The following SLC9B2 variants were observed in gnomAD, a reference collection of about 807,000 sequenced individuals.
SLC9B2 encodes solute carrier family 9 member B2.
In SLC9B2, 39 loss-of-function variants were observed where a neutral mutation model predicts 52.2. The observed-to-expected ratio is 0.75, with a 90% CI of 0.58 to 0.98. SLC9B2 has a LOEUF of 0.98. Among genes scored for constraint, SLC9B2 ranks in the 50% least tolerant of loss-of-function variants. SLC9B2 has a pLI of 0.00. For synonymous variants in SLC9B2, 214 were observed against 227.0 expected (o/e 0.94, Z 0.51); for missense variants, 626 against 637.5 (o/e 0.98, Z 0.19).
At position 103,050,226 on chromosome 4, in the gene SLC9B2, T is replaced by C. The variant is rs758092860; in HGVS notation, c.585+14A>G. On this transcript the variant is annotated intron_variant, in intron 5 of 11. Coordinates refer to ENST00000394785, the MANE Select transcript of SLC9B2 (RefSeq NM_178833.7). ...AAGATTCCTATTTAATAATGAGAAATTTACATTTCATACCTTTGAATCCAG... is the reference window on the plus strand; with the variant it reads ...AAGATTCCTATTTAATAATGAGAAACTTACATTTCATACCTTTGAATCCAG... 6.5e-7 allele frequency: 1 copy of C among 1,546,274 alleles called. No individual in the cohort carries two copies. Among genetic ancestry groups the C allele is most frequent in the Admixed American group, 2.2e-5 (1 of 45,992 alleles).
rs934077009 is a variant in SLC9B2, at chr4:103,067,398, G to A, written c.90+63C>T. ...TTGGATTGTGTAAGTTTGGGGATAG[G>A]AGAATTGGTAAATGAGTGGTAGAAT... is the stretch of plus-strand genomic sequence containing the variant. On this transcript the variant is annotated intron_variant, in intron 2 of 11. Coordinates refer to ENST00000394785, the MANE Select transcript of SLC9B2 (RefSeq NM_178833.7). 42 of 1,446,358 alleles carry A rather than the reference G, an allele frequency of 2.9e-5. No individual in the cohort carries two copies. In the African/African-American group the frequency reaches 3.6e-4, roughly 12 times the overall value. 89.6% of individuals were successfully genotyped at this position (1,446,358 alleles called of 1,614,324 possible).
At position 103,057,789 on chromosome 4, in the gene SLC9B2, TTTAGCAC is replaced by T; in HGVS notation, c.442+5_442+11del. 1 of 1,611,788 alleles carries T rather than the reference TTTAGCAC, an allele frequency of 6.2e-7. No homozygotes were observed. The highest frequency in any genetic ancestry group is 8.5e-7 in the Non-Finnish European group (1 of 1,179,320). On this transcript the variant is annotated splice_donor_5th_base_variant and intron_variant, in intron 4 of 11. Coordinates refer to ENST00000394785, the MANE Select transcript of SLC9B2 (RefSeq NM_178833.7). Reference sequence around the variant, plus strand: ...TTTACTCTGGATAGAACAGGAAACATTTAGCACTTACCAAGAAGAGAAGGCAGTGGAG... The same window carrying T: ...TTTACTCTGGATAGAACAGGAAACATTTACCAAGAAGAGAAGGCAGTGGAG...
intron 9 of SLC9B2, among the ~76,000 whole-genome samples, chr4:103,039,768 T>G (rs1743476868): frequency 6.6e-6 from 1 of 151,278 alleles, no homozygotes; most frequent in African/African-American, 2.4e-5. Flanking sequence ...TGCCTCAGCC[T>G]CCCGAGTAGC....
At chr4:103,058,640 G>A (rs1204774970) in intron 3 of SLC9B2, among the ~76,000 whole-genome samples, 2 of 152,182 alleles carry the variant, frequency 1.3e-5, no homozygotes, top group Non-Finnish European at 2.9e-5. Context: ...GAGCTCAAGT[G>A]ATCCTCCTGT....
At position 103,026,318 on chromosome 4, in the gene SLC9B2, A is replaced by G. The variant is rs1560539022; in HGVS notation, c.*52T>C. The G allele has an allele frequency of 6.8e-7, 1 of 1,475,218 alleles. No homozygotes were observed. The allele number at this position is 1,475,218 out of a possible 1,614,324, so 91.4% of individuals were successfully genotyped here. On this transcript the variant is annotated 3_prime_UTR_variant, in exon 12 of 12. Transcript: ENST00000394785. ...ATTACATATTTCAATATGCATCTTG[A>G]AAAAAGTAGCAGCTTTCTAAACATT...
chr4:103,044,884 T>C lies in SLC9B2; in HGVS notation c.996+6A>G. On this transcript the variant is annotated splice_donor_region_variant and intron_variant, in intron 8 of 11. Transcript: ENST00000394785. ...GCACAACTTTCCCACATATTATTTC[T>C]TTCACCTGGTCACGGCTTGGAAAGT... is the stretch of plus-strand genomic sequence containing the variant. The C allele has an allele frequency of 6.2e-7, 1 of 1,607,170 alleles. No homozygotes were observed. The highest frequency in any genetic ancestry group is 8.5e-7 in the Non-Finnish European group (1 of 1,174,018).
chr4:103,043,262 A>G, intron 9 of SLC9B2, 34 bp downstream of exon 9: 1 of 1,572,150 alleles, frequency 6.4e-7, no homozygotes, highest in African/African-American at 1.4e-5. Context: ...ATTAGAAAAG[A>G]GTCATGAGCA....
intron 4 of SLC9B2, among the ~76,000 whole-genome samples, chr4:103,052,965 A>C (rs13113099): frequency 6.6e-6 from 1 of 151,890 alleles, no homozygotes; most frequent in Non-Finnish European, 1.5e-5. Flanking sequence ...GATTTGGCAC[A>C]TGTCCCCACT....
At chr4:103,064,304 C>G (rs185857033) in intron 3 of SLC9B2, among the ~76,000 whole-genome samples, 51 of 152,262 alleles carry the variant, frequency 3.3e-4, no homozygotes, top group Non-Finnish European at 2.9e-4. Context: ...CAATGATATG[C>G]TTTTCAGCCA....
At chr4:103,033,925 A>G (rs1159958263) in intron 9 of SLC9B2, among the ~76,000 whole-genome samples, 1 of 152,172 alleles carries the variant, frequency 6.6e-6, no homozygotes, top group Non-Finnish European at 1.5e-5. Flanking sequence ...CAAACTACCA[A>G]TGACATTTTT....
At chr4:103,034,044 C>G (rs1309998797) in intron 9 of SLC9B2, among the ~76,000 whole-genome samples, 1 of 151,950 alleles carries the variant, frequency 6.6e-6, no homozygotes, top group Non-Finnish European at 1.5e-5. Flanking sequence ...TCACACTACC[C>G]GACTTCAAAC....
chr4:103,061,204 G>A (rs868204883), intron 3 of SLC9B2, among the ~76,000 whole-genome samples: 2 of 152,250 alleles, frequency 1.3e-5, no homozygotes, highest in South Asian at 4.2e-4. Flanking sequence ...AAAGACACAT[G>A]CACACGTACG....
At chr4:103,055,803 CTT>C (rs1400053544) in intron 4 of SLC9B2, among the ~76,000 whole-genome samples, 20 of 131,920 alleles carry the variant, frequency 1.5e-4, no homozygotes, top group Admixed American at 3.1e-4. Context: ...ATGCAGAATT[CTT>C]TTTTTTTTTT....
intron 9 of SLC9B2, among the ~76,000 whole-genome samples, chr4:103,037,857 G>GT: frequency 6.6e-6 from 1 of 151,312 alleles, no homozygotes; most frequent in African/African-American, 2.4e-5. Context: ...ATAGCTAAAG[G>GT]TAAGACTTTT....
chr4:103,074,222 C>T (rs1746918658), intron 1 of SLC9B2, among the ~76,000 whole-genome samples: 1 of 152,180 alleles, frequency 6.6e-6, no homozygotes, highest in Non-Finnish European at 1.5e-5. Context: ...ATTAGCTGAA[C>T]ACAGAAAGCA....
At chr4:103,044,016 A>G (rs1452327921) in intron 8 of SLC9B2, among the ~76,000 whole-genome samples, 2 of 152,170 alleles carry the variant, frequency 1.3e-5, no homozygotes, top group African/African-American at 4.8e-5. Flanking sequence ...AAGTCTAAGA[A>G]TTGTGTACTT....
intron 3 of SLC9B2, among the ~76,000 whole-genome samples, chr4:103,062,894 G>A (rs563443013): frequency 1.6e-4 from 24 of 152,200 alleles, no homozygotes; most frequent in Non-Finnish European, 2.8e-4. Context: ...ACAGGTTTGA[G>A]CCACTGTGCC....
At chr4:103,032,435 A>C (rs142830205) in intron 9 of SLC9B2, among the ~76,000 whole-genome samples, 126 of 152,230 alleles carry the variant, frequency 8.3e-4, no homozygotes, top group African/African-American at 2.9e-3. Flanking sequence ...CATTATCTCC[A>C]GCTCCTCTTT....
Position 103,024,827 on chromosome 4 carries a change from A to G in SLC9B2, c.*1543T>C, listed in dbSNP as rs904096496. ...GAGGAACTTATGAGTGATACACAAA[A>G]GCAGAGATGGCCTGTTACAAAGTAG... On this transcript the variant is annotated 3_prime_UTR_variant, in exon 12 of 12. Transcript: ENST00000394785. 6.6e-6 allele frequency among the ~76,000 whole-genome samples: 1 copy of G among 152,242 alleles called. No homozygotes were observed. Among genetic ancestry groups the G allele is most frequent in the Non-Finnish European group, 1.5e-5 (1 of 68,046 alleles).
Sources: allele counts gnomAD v4.1 joint callset (sites outside exome capture counted in the v4.1 genomes callset), GRCh38; gene constraint gnomAD v4.1.1; transcripts MANE v1.5; gene names NCBI Gene and HGNC (gene_info 2026-07-23, HGNC 2026-07-21).